PRDM1: variants seen among roughly 807,000 people sequenced by gnomAD.
PRDM1 encodes the protein PR/SET domain 1, also known as PR domain zinc finger protein 1.
A neutral mutation model predicts 62.8 loss-of-function variants in PRDM1; 13 were observed. The ratio of observed to expected loss-of-function variants is 0.21; its 90% CI spans 0.13 to 0.33. The LOEUF (loss-of-function observed/expected upper bound fraction) is 0.33, where lower values mean the gene tolerates loss of function less well. Ranked by LOEUF, PRDM1 falls within the 10% of genes least tolerant of loss-of-function variation. PRDM1 has a pLI of 1.00. For synonymous variants in PRDM1, 396 were observed against 417.6 expected, an observed-to-expected ratio of 0.95 and a Z score of 0.63; for missense variants, 895 against 1,058.8, an observed-to-expected ratio of 0.85 and a Z score of 2.15.
At chr6:106,016,471 A>T (rs949989483) in intron 1 of PRDM1, among the ~76,000 whole-genome samples, 10 of 152,180 alleles carry the variant, frequency 6.6e-5, no homozygotes, top group Admixed American at 2.0e-4. Flanking sequence ...GTACCCGCAG[A>T]TTAACAAGCA....
intron 1 of PRDM1, among the ~76,000 whole-genome samples, chr6:106,081,054 TAG>T (rs950810203): frequency 6.6e-6 from 1 of 152,202 alleles, no homozygotes; most frequent in Non-Finnish European, 1.5e-5. Context: ...TAGTCAACAT[TAG>T]AGAGTTGTTC....
rs1774539640 is a variant in PRDM1, at chr6:106,107,677, C to CACAT, written c.*192_*193insCATA. 1 of 196,930 alleles carries CACAT rather than the reference C, an allele frequency of 5.1e-6. No individual in the cohort carries two copies. Among genetic ancestry groups the CACAT allele is most frequent in the Non-Finnish European group, 9.9e-6 (1 of 100,648 alleles). 12.2% of individuals were successfully genotyped at this position (196,930 alleles called of 1,614,324 possible). On this transcript the variant is annotated 3_prime_UTR_variant, in exon 7 of 7. Transcript: ENST00000369096. ...CTCAGGGCATGAACAAGGCAAAGGC[C>CACAT]ATATATATATATATATATATATCTG...
At chr6:106,037,224 C>T (rs1331708589) in intron 1 of PRDM1, among the ~76,000 whole-genome samples, 1 of 152,156 alleles carries the variant, frequency 6.6e-6, no homozygotes, top group African/African-American at 2.4e-5. Context: ...TATACTAGCT[C>T]ACTGCCTTCT....
upstream of PRDM1, among the ~76,000 whole-genome samples, chr6:106,081,371 C>A (rs1773691672): frequency 6.6e-6 from 1 of 152,180 alleles, no homozygotes; most frequent in African/African-American, 2.4e-5. Flanking sequence ...AATCTGAGAA[C>A]CAAGTTCTGA....
rs1314989882 is a variant in PRDM1 at position 106,106,347 on chromosome 6, C to T, written c.1774-24C>T. 1 of 1,613,624 alleles carries T rather than the reference C, an allele frequency of 6.2e-7. No homozygotes were observed. Among genetic ancestry groups the T allele is most frequent in the East Asian group, 2.2e-5 (1 of 44,888 alleles). On this transcript the variant is annotated intron_variant, in intron 5 of 6. Transcript: ENST00000369096. This position sits in a 1 kb window ranked among gnomAD's most constrained non-coding sequence, Gnocchi z 4.4. The stretch of plus-strand genomic sequence containing the variant: ...TCTCAGAGCCAGCTTGAGAGCAGAG[C>T]TAACACATGTGGCTTCTTCCCAGGT...
chr6:106,095,932 G>A (rs1222932414), intron 3 of PRDM1, 198 bp downstream of exon 3: 3 of 585,618 alleles, frequency 5.1e-6, no homozygotes, highest in Admixed American at 3.0e-5. Flanking sequence ...GGTGGTTAGT[G>A]ATGGAGATAC....
At chr6:106,072,313 G>C (rs1409083926) in intron 1 of PRDM1, 1 of 152,170 alleles carries the variant, frequency 6.6e-6, no homozygotes, top group Admixed American at 6.5e-5. Flanking sequence ...GCTATTTTGG[G>C]GTGTAATATG....
chr6:106,086,450 A>G lies in PRDM1; in HGVS notation c.-104A>G. 8.4e-7 allele frequency: 1 copy of G among 1,188,472 alleles called. No individual in the cohort carries two copies. The highest frequency in any genetic ancestry group is 1.4e-5 in the South Asian group (1 of 70,794). The allele number at this position is 1,188,472 out of a possible 1,614,324, so 73.6% of individuals were successfully genotyped here. A position where few individuals can be genotyped will look rare whatever the true frequency, so the allele number is the denominator to read the frequency against. ...GGGACGCGGGCGCCCGGGCGGCCGG[A>G]CGAAGCGAGGAGGGACCGCCGAGGT... On this transcript the variant is annotated 5_prime_UTR_variant, in exon 1 of 7. Coordinates refer to ENST00000369096, the MANE Select transcript of PRDM1 (RefSeq NM_001198.4).
Position 106,105,130 on chromosome 6 carries a change from A to G in PRDM1, c.970A>G (p.Ile324Val), listed in dbSNP as rs780342019. 8 of 1,613,560 alleles carry G rather than the reference A, an allele frequency of 5.0e-6. No individual in the cohort carries two copies. The South Asian group carries it at 8.8e-5, about 18-fold the overall frequency. The change falls in exon 5 of 7, where the codon ATC becomes GTC. Residue 324 changes from isoleucine to valine, a missense_variant. Coordinates refer to ENST00000369096, the MANE Select transcript of PRDM1 (RefSeq NM_001198.4). ...CTACGGGATCGAGAGACCCACGTAC[A>G]TCACTCGCTCCCCCATTCCATCCTC... ...LAYGIERPTY[I>V]TRSPIPSSTT...
intron 1 of PRDM1, among the ~76,000 whole-genome samples, chr6:106,016,214 C>G (rs183021568): frequency 6.4e-4 from 97 of 152,178 alleles, no homozygotes; most frequent in African/African-American, 2.3e-3. Flanking sequence ...CACATTTTGT[C>G]TATTCATTCA....
chr6:106,018,775 G>A (rs930277724), intron 1 of PRDM1, among the ~76,000 whole-genome samples: 3 of 151,968 alleles, frequency 2.0e-5, no homozygotes, highest in Admixed American at 6.6e-5. Flanking sequence ...CACTGTCGAC[G>A]TTAACCTGGA....
At chr6:106,003,740 T>C (rs190118138) in intron 1 of PRDM1, among the ~76,000 whole-genome samples, 1 of 152,300 alleles carries the variant, frequency 6.6e-6, no homozygotes, top group East Asian at 1.9e-4. Flanking sequence ...TCAAACGTTT[T>C]GTAGGTGGTT....
chr6:106,029,947 A>G (rs376644637), intron 1 of PRDM1, among the ~76,000 whole-genome samples: 1 of 152,116 alleles, frequency 6.6e-6, no homozygotes, highest in Non-Finnish European at 1.5e-5. Context: ...CGTTTCCCTC[A>G]TGACTAATGA....
chr6:106,012,508 A>G (rs1434412156), intron 1 of PRDM1, among the ~76,000 whole-genome samples: 1 of 151,650 alleles, frequency 6.6e-6, no homozygotes. Flanking sequence ...TTACACACAT[A>G]CCATACTACA....
At chr6:106,018,301 T>C (rs1197966123) in intron 1 of PRDM1, among the ~76,000 whole-genome samples, 4 of 152,250 alleles carry the variant, frequency 2.6e-5, no homozygotes, top group Non-Finnish European at 5.9e-5. Context: ...CCATAATTTT[T>C]TAGAACAGCT....
At chr6:106,004,914 G>A (rs1772466197) in intron 1 of PRDM1, among the ~76,000 whole-genome samples, 2 of 152,070 alleles carry the variant, frequency 1.3e-5, no homozygotes, top group Non-Finnish European at 2.9e-5. Flanking sequence ...TGTGGAAAGG[G>A]GAAAAACTTT....
At chr6:106,011,798 C>G (rs1206385003) in intron 1 of PRDM1, among the ~76,000 whole-genome samples, 1 of 151,906 alleles carries the variant, frequency 6.6e-6, no homozygotes, top group Non-Finnish European at 1.5e-5. Context: ...CAGCCTCCTG[C>G]CTCAGTCACT....
intron 1 of PRDM1, among the ~76,000 whole-genome samples, chr6:106,010,340 C>G (rs751626569): frequency 5.3e-5 from 8 of 152,154 alleles, no homozygotes; most frequent in Non-Finnish European, 8.8e-5. Flanking sequence ...TTTAATACTA[C>G]AAATGCATAA....
In PRDM1 at chr6:106,041,909, G is replaced by A. The variant is rs867338454; in HGVS notation, c.-66-46292G>A. ...TGCATCCTCCACCTCCTGGGCTCAA[G>A]CAATCCTCCCACCTCAGCCTCCCAG... On this transcript the variant is annotated intron_variant, in intron 1 of 6. Transcript: ENST00000652320. Among the ~76,000 whole-genome samples, 5 of 149,638 alleles carry A rather than the reference G, an allele frequency of 3.3e-5. No homozygotes were observed. The South Asian group carries it at 6.3e-4, about 19-fold the overall frequency.
Sources: gnomAD v4.1 joint callset for allele counts (sites outside exome capture counted in the v4.1 genomes callset) on GRCh38, gnomAD v4.1.1 for gene constraint, Gnocchi (gnomAD v3.1) non-coding constraint, MANE v1.5 for transcripts, NCBI Gene and HGNC (gene_info 2026-07-23, HGNC 2026-07-21) for gene names.